The following CLSTN2 variants were observed in gnomAD, a reference collection of about 807,000 sequenced individuals.
CLSTN2 encodes the protein calsyntenin 2.
A neutral mutation model predicts 101.2 loss-of-function variants in CLSTN2; 48 were observed. The observed-to-expected ratio is 0.47, with a 90% confidence interval of 0.38 to 0.60. CLSTN2 has a LOEUF of 0.60. Among genes scored for constraint, CLSTN2 ranks in the 20% least tolerant of loss-of-function variants. The pLI is 0.00. For missense variants in CLSTN2, 1,160 were observed against 1,238.2 expected, an observed-to-expected ratio of 0.94 and a Z score of 0.95; for synonymous variants, 481 against 463.6, an observed-to-expected ratio of 1.04 and a Z score of -0.48.
At chr3:140,242,670 G>A (rs945898774) in intron 2 of CLSTN2, among the ~76,000 whole-genome samples, 4 of 152,196 alleles carry the variant, frequency 2.6e-5, no homozygotes, top group Non-Finnish European at 5.9e-5. Flanking sequence ...TACCCAAAGC[G>A]AGAGCTCATG....
chr3:140,005,804 CT>C (rs2006942056), intron 1 of CLSTN2, among the ~76,000 whole-genome samples: 1 of 152,336 alleles, frequency 6.6e-6, no homozygotes, highest in Middle Eastern at 3.4e-3. Flanking sequence ...TTCTGGTCCA[CT>C]TTTGGACTTG....
intron 1 of CLSTN2, among the ~76,000 whole-genome samples, chr3:140,082,651 G>T (rs2008618316): frequency 6.6e-6 from 1 of 152,148 alleles, no homozygotes; most frequent in South Asian, 2.1e-4. Flanking sequence ...TTGTGTTGCT[G>T]CTTTCAAGCC....
intron 8 of CLSTN2, among the ~76,000 whole-genome samples, chr3:140,481,430 G>A (rs1934113351): frequency 6.6e-6 from 1 of 152,114 alleles, no homozygotes; most frequent in African/African-American, 2.4e-5. Context: ...GACAATGTGG[G>A]CTCCTTTTTG....
intron 2 of CLSTN2, among the ~76,000 whole-genome samples, chr3:140,269,990 C>T (rs552283286): frequency 1.4e-4 from 21 of 152,236 alleles, no homozygotes; most frequent in South Asian, 2.1e-4. Context: ...AGAGGAAAAG[C>T]GGGCCAGTTT....
intron 4 of CLSTN2, among the ~76,000 whole-genome samples, chr3:140,419,342 G>A (rs2088467067): frequency 6.7e-6 from 1 of 149,088 alleles, no homozygotes; most frequent in Non-Finnish European, 1.5e-5. Flanking sequence ...AATTAGCCAG[G>A]CGTGGTGGCA....
At chr3:140,555,110 T>C (rs1310430736) in intron 10 of CLSTN2, among the ~76,000 whole-genome samples, 1 of 152,236 alleles carries the variant, frequency 6.6e-6, no homozygotes, top group Non-Finnish European at 1.5e-5. Context: ...TCCCTCACTG[T>C]GAGATGCAAG....
chr3:140,419,646 T>C (rs186741375), intron 4 of CLSTN2, among the ~76,000 whole-genome samples: 2,540 of 58,458 alleles, frequency 0.043, 688 homozygotes, highest in South Asian at 0.098. Flanking sequence ...TACATATATA[T>C]GTACACGTAT....
At chr3:140,064,887 A>G (rs993955140) in intron 1 of CLSTN2, among the ~76,000 whole-genome samples, 57 of 152,324 alleles carry the variant, frequency 3.7e-4, no homozygotes, top group African/African-American at 1.3e-3. Context: ...CACAAAGATT[A>G]AAGATGACAA....
intron 1 of CLSTN2, among the ~76,000 whole-genome samples, chr3:140,063,740 C>T (rs921031420): frequency 1.5e-4 from 23 of 152,130 alleles, no homozygotes; most frequent in Admixed American, 4.6e-4. Context: ...TCTTGTCACC[C>T]TTTTGTAGGA....
intron 2 of CLSTN2, among the ~76,000 whole-genome samples, chr3:140,337,273 T>G (rs938146529): frequency 2.6e-5 from 4 of 152,224 alleles, no homozygotes; most frequent in Admixed American, 2.0e-4. Context: ...TGTTGTCACA[T>G]TTAGTTCCTT....
At chr3:140,408,675 C>A (rs1233063125) in intron 4 of CLSTN2, among the ~76,000 whole-genome samples, 2 of 152,166 alleles carry the variant, frequency 1.3e-5, no homozygotes, top group Admixed American at 6.5e-5. Flanking sequence ...CTCTCTTCTT[C>A]CCCTCTCCCC....
At chr3:140,176,584 A>G (rs970082645) in intron 2 of CLSTN2, among the ~76,000 whole-genome samples, 2 of 152,244 alleles carry the variant, frequency 1.3e-5, no homozygotes, top group African/African-American at 2.4e-5. Context: ...AGGCAGTGCC[A>G]TATTTCCCTC....
intron 1 of CLSTN2, among the ~76,000 whole-genome samples, chr3:140,153,891 G>A (rs2009908301): frequency 6.6e-6 from 1 of 152,144 alleles, no homozygotes; most frequent in African/African-American, 2.4e-5. Context: ...GAGAGCTCAT[G>A]TCTGAAGCTT....
At chr3:140,127,141 C>T (rs945822830) in intron 1 of CLSTN2, among the ~76,000 whole-genome samples, 15 of 151,842 alleles carry the variant, frequency 9.9e-5, no homozygotes, top group South Asian at 6.3e-4. Flanking sequence ...ATTTTAGGGC[C>T]AGTCAGCTGA....
chr3:140,198,533 C>G (rs149465150), intron 2 of CLSTN2, among the ~76,000 whole-genome samples: 1 of 152,102 alleles, frequency 6.6e-6, no homozygotes, highest in Admixed American at 6.5e-5. Context: ...GGTAAGGTCC[C>G]GGCTTTGTTG....
At chr3:140,506,196 T>C (rs1190270550) in intron 8 of CLSTN2, 1 of 152,226 alleles carries the variant, frequency 6.6e-6, no homozygotes, top group African/African-American at 2.4e-5. Flanking sequence ...AAATTAAGCA[T>C]GGAAAGAAAC....
At chr3:140,003,798 T>A (rs1384880519) in intron 1 of CLSTN2, among the ~76,000 whole-genome samples, 1 of 152,226 alleles carries the variant, frequency 6.6e-6, no homozygotes, top group African/African-American at 2.4e-5. Context: ...GTGGTTTTTG[T>A]TATTCATTCT....
chr3:140,265,429 C>G (rs1407921481), intron 2 of CLSTN2, among the ~76,000 whole-genome samples: 1 of 152,164 alleles, frequency 6.6e-6, no homozygotes, highest in Non-Finnish European at 1.5e-5. Context: ...GGCTCAGAGA[C>G]TCTGAGACTA....
At position 140,483,465 on chromosome 3, in the gene CLSTN2, G is replaced by C. The variant is rs1269010263; in HGVS notation, c.1344+16734G>C. Among the ~76,000 whole-genome samples, 5 of 152,128 alleles carry C rather than the reference G, an allele frequency of 3.3e-5. No individual in the cohort carries two copies. The South Asian group carries it at 8.3e-4, about 25-fold the overall frequency. The stretch of plus-strand genomic sequence containing the variant: ...CTGTAGATGTCTATTAGGTCTGCTT[G>C]GTGCAGAGCTGAGTTCAATTCCTGC... On this transcript the variant is annotated intron_variant, in intron 8 of 16. Transcript: ENST00000458420.
Sources: allele counts gnomAD v4.1 joint callset (sites outside exome capture counted in the v4.1 genomes callset), GRCh38; gene constraint gnomAD v4.1.1; transcripts MANE v1.5; gene names NCBI Gene and HGNC (gene_info 2026-07-23, HGNC 2026-07-21).